The following ENTPD6 variants were observed in gnomAD, a reference collection of about 807,000 sequenced individuals.
ENTPD6 encodes the protein CD39 antigen-like 2.
In ENTPD6, 46 loss-of-function variants were observed where a neutral mutation model predicts 61.5. The ratio of observed to expected loss-of-function variants is 0.75; its 90% confidence interval spans 0.59 to 0.96. The LOEUF is 0.96. Among genes scored for constraint, ENTPD6 ranks in the 40% least tolerant of loss-of-function variants. The probability of loss-of-function intolerance (pLI) is 0.00; values close to 1 mark genes in which losing one functional copy is unlikely to be tolerated. For synonymous variants in ENTPD6, 252 were observed against 255.5 expected (o/e 0.99, Z 0.13); for missense variants, 612 against 629.0 (o/e 0.97, Z 0.29).
At chr20:25,224,841 G>A (rs2092750688) in intron 13 of ENTPD6, 2 of 257,110 alleles carry the variant, frequency 7.8e-6, no homozygotes, top group Admixed American at 5.2e-5. Context: ...GAGCAGGAGT[G>A]GATTGTTCTG....
rs2092793218 is a variant in ENTPD6, at chr20:25,226,277, A to G, written c.*680A>G. The G allele has an allele frequency of 6.5e-6, 1 of 152,766 alleles. No individual in the cohort carries two copies. Among genetic ancestry groups the G allele is most frequent in the African/African-American group, 2.4e-5 (1 of 41,470 alleles). 9.5% of individuals were successfully genotyped at this position (152,766 alleles called of 1,614,324 possible). ...CCCACCTTTCAGGGAGTCTCCCAGC[A>G]TGGGCGGATGCCGGGCATGAGCTGC... On this transcript the variant is annotated 3_prime_UTR_variant, in exon 15 of 15. Transcript: ENST00000376652.
chr20:25,198,178 A>G (rs1006191900), intron 1 of ENTPD6, among the ~76,000 whole-genome samples: 41 of 152,126 alleles, frequency 2.7e-4, no homozygotes, highest in African/African-American at 9.2e-4. Context: ...ATAGGACATG[A>G]TAAGATTTGA....
chr20:25,207,494 A>G, intron 3 of ENTPD6, 97 bp downstream of exon 3: 1 of 1,165,212 alleles, frequency 8.6e-7, no homozygotes. Context: ...AGCTTGTCTA[A>G]ATGCAGTTTC....
intron 1 of ENTPD6, among the ~76,000 whole-genome samples, chr20:25,205,731 A>C (rs2091433475): frequency 6.6e-6 from 1 of 152,206 alleles, no homozygotes. Context: ...GTGGGTGGCC[A>C]GGCCACTGGT....
chr20:25,206,684 A>C (rs1287347173), intron 2 of ENTPD6, 94 bp downstream of exon 2: 55 of 916,102 alleles, frequency 6.0e-5, no homozygotes, highest in Non-Finnish European at 9.8e-5. Flanking sequence ...GAGGATTGAA[A>C]GACTGAATCA....
At position 25,224,158 on chromosome 20, in the gene ENTPD6, G is replaced by A; in HGVS notation, c.1243+1G>A. The A allele has an allele frequency of 6.2e-7, 1 of 1,611,648 alleles. No homozygotes were observed. Among genetic ancestry groups the A allele is most frequent in the Non-Finnish European group, 8.5e-7 (1 of 1,178,924 alleles). On this transcript the variant is annotated splice_donor_variant, in intron 13 of 14. Transcript: ENST00000376652. LOFTEE classifies it high-confidence loss of function. Reference sequence around the variant, plus strand: ...GACTTCGAGATCGCAGCCAAGTACGGTGAGTGATGCTGCAGGGGCCATCTC... The same window carrying A: ...GACTTCGAGATCGCAGCCAAGTACGATGAGTGATGCTGCAGGGGCCATCTC...
chr20:25,201,892 A>G lies in ENTPD6; in HGVS notation c.-15-4630A>G, dbSNP rs537594031. On this transcript the variant is annotated intron_variant, in intron 1 of 14. Transcript: ENST00000376652. ...ACCACCATGTCCAGCTAATTTTTTTATTTTTTGTAGAGACAGTGTCTCCCT... is the reference window on the plus strand; with the variant it reads ...ACCACCATGTCCAGCTAATTTTTTTGTTTTTTGTAGAGACAGTGTCTCCCT... Among the ~76,000 whole-genome samples the G allele has an allele frequency of 2.0e-5, 3 of 152,084 alleles. No individual in the cohort carries two copies. In the East Asian group the frequency reaches 5.8e-4, roughly 29 times the overall value.
chr20:25,212,834 T>C (rs2092065625), intron 4 of ENTPD6, among the ~76,000 whole-genome samples: 2 of 152,252 alleles, frequency 1.3e-5, no homozygotes, highest in South Asian at 4.1e-4. Flanking sequence ...GCCTCCCGAG[T>C]AGCTGGGACT....
chr20:25,217,669 T>A (rs1007575242), intron 9 of ENTPD6, 88 bp downstream of exon 9: 9 of 1,131,424 alleles, frequency 8.0e-6, no homozygotes, highest in Non-Finnish European at 1.2e-5. Flanking sequence ...AGGTCATGGA[T>A]GGCAGATCTG....
At chr20:25,209,977 C>T (rs770945981) in intron 4 of ENTPD6, 52 bp downstream of exon 4, 74 of 1,476,748 alleles carry the variant, frequency 5.0e-5, no homozygotes, top group Non-Finnish European at 6.6e-6. Flanking sequence ...GTGTTCAAGC[C>T]AGTTCTTTTC....
chr20:25,209,219 C>T (rs865902867), intron 3 of ENTPD6, among the ~76,000 whole-genome samples: 27 of 151,956 alleles, frequency 1.8e-4, no homozygotes, highest in African/African-American at 5.3e-4. Flanking sequence ...ATGCCATTCT[C>T]CTGCCTCAGC....
At chr20:25,214,667 C>T (rs2092211746) in intron 5 of ENTPD6, 200 bp from the exon 6 acceptor site, 1 of 578,688 alleles carries the variant, frequency 1.7e-6, no homozygotes, top group East Asian at 2.9e-5. Flanking sequence ...TGATGCAAAA[C>T]CCTTAACCAT....
At chr20:25,206,967 C>T (rs1288388319) in intron 2 of ENTPD6, 109 bp from the exon 3 acceptor site, 2 of 953,854 alleles carry the variant, frequency 2.1e-6, no homozygotes, top group Non-Finnish European at 1.6e-6. Flanking sequence ...GGGGGGAACA[C>T]GGAGCAGTTT....
chr20:25,225,362 G>A (rs753473239), intron 14 of ENTPD6, 45 bp downstream of exon 14: 1 of 1,608,374 alleles, frequency 6.2e-7, no homozygotes. Context: ...TATGGAGTGA[G>A]GGGCCTAGAA....
intron 3 of ENTPD6, among the ~76,000 whole-genome samples, chr20:25,207,754 G>C (rs2091635069): frequency 6.6e-6 from 1 of 152,188 alleles, no homozygotes; most frequent in Admixed American, 6.5e-5. Context: ...CAGTCCCATG[G>C]GAGCCAGAAA....
chr20:25,221,375 G>C (rs1199806744), intron 11 of ENTPD6, 42 bp downstream of exon 11: 1 of 1,470,160 alleles, frequency 6.8e-7, no homozygotes, highest in Non-Finnish European at 9.5e-7. Context: ...GCGGGTGAGA[G>C]TGGTGGCCTC....
intron 7 of ENTPD6, 47 bp downstream of exon 7, chr20:25,215,758 C>T (rs373739975): frequency 2.3e-4 from 361 of 1,594,390 alleles, no homozygotes; most frequent in Non-Finnish European, 2.9e-4. Flanking sequence ...CAGACACCTG[C>T]GGAGGGCTCG....
intron 8 of ENTPD6, 60 bp from the exon 9 acceptor site, chr20:25,217,442 G>A: frequency 6.7e-7 from 1 of 1,482,470 alleles, no homozygotes; most frequent in Non-Finnish European, 9.4e-7. Flanking sequence ...AATTCAGTGG[G>A]TGGAGGAGAA....
chr20:25,227,590 A>C lies in ENTPD6; in HGVS notation c.*1993A>C, dbSNP rs1179088207. On this transcript the variant is annotated 3_prime_UTR_variant, in exon 15 of 15. Transcript: ENST00000376652. ...TAGCTACACGTGCACATCGTAAAAG[A>C]AGCAAACTAGGGTTGCTTGAAAATT... Among the ~76,000 whole-genome samples the C allele has an allele frequency of 6.6e-6, 1 of 152,230 alleles. No homozygotes were observed. Among genetic ancestry groups the C allele is most frequent in the African/African-American group, 2.4e-5 (1 of 41,464 alleles).
Sources: allele counts gnomAD v4.1 joint callset (sites outside exome capture counted in the v4.1 genomes callset), GRCh38; gene constraint gnomAD v4.1.1; transcripts MANE v1.5; gene names NCBI Gene and HGNC (gene_info 2026-07-23, HGNC 2026-07-21).